KCTD3: variants seen among roughly 807,000 people sequenced by gnomAD.
The protein encoded by KCTD3 is potassium channel tetramerization domain containing 3.
Under a neutral mutation model 85.8 loss-of-function variants are expected in KCTD3, and 41 were observed. That is an observed-to-expected ratio of 0.48 (90% CI 0.37 to 0.62). The LOEUF is 0.62. Among genes scored for constraint, KCTD3 ranks in the 20% least tolerant of loss-of-function variants. The probability of loss-of-function intolerance (pLI) is 0.00; values close to 1 mark genes in which losing one functional copy is unlikely to be tolerated. For missense variants in KCTD3, 724 were observed against 989.9 expected, an observed-to-expected ratio of 0.73 and a Z score of 3.60; for synonymous variants, 338 against 345.4, an observed-to-expected ratio of 0.98 and a Z score of 0.24.
intron 8 of KCTD3, among the ~76,000 whole-genome samples, chr1:215,585,558 ATTCTC>A (rs1196237396): frequency 1.3e-5 from 2 of 152,130 alleles, no homozygotes; most frequent in Non-Finnish European, 2.9e-5. Context: ...CATCTTCTAT[ATTCTC>A]TTTAGGTAAG....
chr1:215,574,387 T>A (rs568237770), intron 3 of KCTD3, among the ~76,000 whole-genome samples: 1 of 152,250 alleles, frequency 6.6e-6, no homozygotes. Flanking sequence ...TTTTTTTAGA[T>A]CAATAATTGA....
Position 215,602,119 on chromosome 1 carries a change from T to C in KCTD3, c.1056T>C (p.Asn352=), listed in dbSNP as rs1032694814. ...AGTTCCCCTTGCGAATGAAAGATAA[T>C]GATCTTCTTGTAACTGAACTGTATC... The part of the protein sequence containing the change: ...MQKFPLRMKD[N]DLLVTELYHD... Residue 352 remains asparagine, a synonymous_variant, in exon 12 of 18, where the codon AAT becomes AAC. Coordinates refer to ENST00000259154, the MANE Select transcript of KCTD3 (RefSeq NM_016121.5). The C allele has an allele frequency of 1.9e-6, 3 of 1,609,638 alleles. No homozygotes were observed. In the African/African-American group the frequency reaches 4.0e-5, roughly 22 times the overall value.
chr1:215,573,574 G>C (rs532301491), intron 1 of KCTD3, among the ~76,000 whole-genome samples: 3 of 152,250 alleles, frequency 2.0e-5, no homozygotes, highest in Admixed American at 1.3e-4. Flanking sequence ...CGGATAACAA[G>C]TTGTTTATTG....
At chr1:215,569,964 C>T (rs1202131703) in intron 1 of KCTD3, among the ~76,000 whole-genome samples, 8 of 152,150 alleles carry the variant, frequency 5.3e-5, no homozygotes, top group Non-Finnish European at 1.5e-5. Context: ...CATCCGACTC[C>T]ATATTCTAAG....
intron 15 of KCTD3, 25 bp from the exon 16 acceptor site, chr1:215,618,861 G>A: frequency 6.5e-7 from 1 of 1,538,004 alleles, no homozygotes; most frequent in South Asian, 1.3e-5. Flanking sequence ...TTCCCATCAG[G>A]GCTCTTTCTG....
chr1:215,609,913 T>C, intron 14 of KCTD3, among the ~76,000 whole-genome samples: 1 of 151,948 alleles, frequency 6.6e-6, no homozygotes, highest in African/African-American at 2.4e-5. Flanking sequence ...CTAGAAGTTA[T>C]GTTTATGAGT....
chr1:215,589,538 G>A (rs1311391377), intron 9 of KCTD3, among the ~76,000 whole-genome samples: 1 of 152,132 alleles, frequency 6.6e-6, no homozygotes, highest in Non-Finnish European at 1.5e-5. Context: ...GCACAATAAG[G>A]TTAAGTTATT....
intron 6 of KCTD3, 30 bp downstream of exon 6, chr1:215,578,111 A>T: frequency 6.3e-7 from 1 of 1,588,076 alleles, no homozygotes; most frequent in South Asian, 1.1e-5. Context: ...TCTTTTAAAA[A>T]ATTCCTTGTA....
chr1:215,579,603 A>C (rs999234058), intron 7 of KCTD3, among the ~76,000 whole-genome samples: 4 of 150,372 alleles, frequency 2.7e-5, no homozygotes, highest in Non-Finnish European at 5.9e-5. Flanking sequence ...GGTTTACGCC[A>C]TTCTCCTGCC....
intron 15 of KCTD3, among the ~76,000 whole-genome samples, chr1:215,617,267 G>A (rs1037683746): frequency 6.6e-6 from 1 of 152,142 alleles, no homozygotes; most frequent in African/African-American, 2.4e-5. Context: ...CAAATTAGTT[G>A]AACCTAAGGA....
chr1:215,589,148 T>C lies in KCTD3; in HGVS notation c.817+2463T>C, dbSNP rs574053993. Among the ~76,000 whole-genome samples the C allele has an allele frequency of 1.1e-4, 16 of 152,290 alleles. No homozygotes were observed. The South Asian group carries it at 3.1e-3, about 30-fold the overall frequency. On this transcript the variant is annotated intron_variant, in intron 9 of 17. Transcript: ENST00000259154. ...TCTTTTTCTTCTTTTCTTTCCTTTT[T>C]TTTCTGAGACAGGGTCTTGCTCTGT...
chr1:215,620,852 A>G lies in KCTD3; in HGVS notation c.*234A>G, dbSNP rs1221027937. On this transcript the variant is annotated 3_prime_UTR_variant, in exon 18 of 18. Coordinates refer to ENST00000259154, the MANE Select transcript of KCTD3 (RefSeq NM_016121.5). The stretch of plus-strand genomic sequence containing the variant: ...TTTAACAGATCATTTATAAAGCAGG[A>G]GTCCATTTTAACACTTACCGACTTT... 2.2e-5 allele frequency: 10 copies of G among 460,142 alleles called. No individual in the cohort carries two copies. Among genetic ancestry groups the G allele is most frequent in the Non-Finnish European group, 3.0e-5 (8 of 263,760 alleles). 28.5% of individuals were successfully genotyped at this position (460,142 alleles called of 1,614,324 possible).
rs140920472 is a variant in KCTD3, at chr1:215,605,615, T to G, written c.1309+1313T>G. Among the ~76,000 whole-genome samples the G allele has an allele frequency of 6.9e-4, 105 of 152,246 alleles. No individual in the cohort carries two copies. The East Asian group carries it at 0.015, about 22-fold the overall frequency. ...GTATATCCAGTGTCTGGATCTCTGG[T>G]TGTATGTTTAATAGGCATCTCAAAT... On this transcript the variant is annotated intron_variant, in intron 13 of 17. Transcript: ENST00000259154.
intron 9 of KCTD3, among the ~76,000 whole-genome samples, chr1:215,589,177 A>T (rs1441838799): frequency 6.6e-6 from 1 of 151,610 alleles, no homozygotes; most frequent in Non-Finnish European, 1.5e-5. Context: ...GCTCTGTCAC[A>T]CAGGCTGGAG....
chr1:215,583,162 G>C (rs901303384), intron 8 of KCTD3, among the ~76,000 whole-genome samples: 2 of 151,796 alleles, frequency 1.3e-5, no homozygotes, highest in African/African-American at 4.8e-5. Context: ...GAAAGTAAAG[G>C]AATAAAAGAA....
In KCTD3 at chr1:215,620,781, A is replaced by G; in HGVS notation, c.*163A>G. The G allele has an allele frequency of 1.9e-6, 1 of 539,798 alleles. No individual in the cohort carries two copies. Among genetic ancestry groups the G allele is most frequent in the Middle Eastern group, 4.9e-4 (1 of 2,048 alleles). The allele number at this position is 539,798 out of a possible 1,614,324, so 33.4% of individuals were successfully genotyped here. ...CTTGGAATAATGAGATACAATAATC[A>G]TATCTCTTTTGACATTTTGGAAATT... On this transcript the variant is annotated 3_prime_UTR_variant, in exon 18 of 18. Transcript: ENST00000259154.
chr1:215,576,970 AT>A (rs1297018304), intron 4 of KCTD3, among the ~76,000 whole-genome samples: 1 of 152,204 alleles, frequency 6.6e-6, no homozygotes, highest in Non-Finnish European at 1.5e-5. Flanking sequence ...GCTGGGGAAT[AT>A]TTTTAAAATA....
chr1:215,581,386 T>C (rs929928801), intron 8 of KCTD3, among the ~76,000 whole-genome samples: 1 of 152,246 alleles, frequency 6.6e-6, no homozygotes, highest in Non-Finnish European at 1.5e-5. Context: ...TAAAGTAATT[T>C]TTTTTTAGGA....
At chr1:215,618,030 G>A (rs925140590) in intron 15 of KCTD3, 2 of 432,732 alleles carry the variant, frequency 4.6e-6, no homozygotes, top group Non-Finnish European at 4.9e-6. Context: ...TCACTCTCTT[G>A]TGAAGATTCC....
Sources: allele counts gnomAD v4.1 joint callset (sites outside exome capture counted in the v4.1 genomes callset), GRCh38; gene constraint gnomAD v4.1.1; transcripts MANE v1.5; gene names NCBI Gene and HGNC (gene_info 2026-07-23, HGNC 2026-07-21).